Variants in PDZD2 observed in about 807,000 individuals in gnomAD.
The protein encoded by PDZD2 is PDZ domain containing 2.
Under a neutral mutation model 220.7 loss-of-function variants are expected in PDZD2, and 90 were observed. The ratio of observed to expected loss-of-function variants is 0.41; its 90% confidence interval spans 0.34 to 0.49. PDZD2 has a LOEUF of 0.49. Ranked by LOEUF, PDZD2 falls within the 20% of genes least tolerant of loss-of-function variation. The pLI is 0.28. For synonymous variants in PDZD2, 1,375 were observed against 1,450.5 expected, an observed-to-expected ratio of 0.95 and a Z score of 1.18; for missense variants, 3,174 against 3,608.5, an observed-to-expected ratio of 0.88 and a Z score of 3.08.
chr5:31,745,092 A>G (rs1459553949), intron 1 of PDZD2, among the ~76,000 whole-genome samples: 1 of 152,052 alleles, frequency 6.6e-6, no homozygotes, highest in Non-Finnish European at 1.5e-5. Flanking sequence ...AAATAAATAA[A>G]TAAATAAAAT....
chr5:31,926,044 G>C (rs1744724796), intron 2 of PDZD2, among the ~76,000 whole-genome samples: 1 of 151,950 alleles, frequency 6.6e-6, no homozygotes, highest in African/African-American at 2.4e-5. Context: ...CGCATAGCAA[G>C]ACCCTGTCTC....
intron 7 of PDZD2, 110 bp from the exon 8 acceptor site, chr5:32,048,429 T>C (rs1457460553): frequency 1.2e-6 from 1 of 857,534 alleles, no homozygotes; most frequent in Non-Finnish European, 1.9e-6. Context: ...GACGCTAGGC[T>C]TCTCAAAACC....
chr5:31,687,880 C>T (rs570533870), intron 1 of PDZD2, among the ~76,000 whole-genome samples: 4 of 152,148 alleles, frequency 2.6e-5, no homozygotes, highest in Non-Finnish European at 5.9e-5. Context: ...ACCTTAATCA[C>T]CTTCTTCTTG....
intron 2 of PDZD2, among the ~76,000 whole-genome samples, chr5:31,840,012 CCAGG>C (rs1290909062): frequency 6.6e-6 from 1 of 152,076 alleles, no homozygotes; most frequent in Non-Finnish European, 1.5e-5. Flanking sequence ...CTACCCAGTC[CCAGG>C]CAGTTCTTTA....
chr5:31,980,622 T>A (rs1439544900), intron 2 of PDZD2, among the ~76,000 whole-genome samples: 1 of 152,174 alleles, frequency 6.6e-6, no homozygotes. Context: ...TGAAAGAAAA[T>A]CTTACAACCT....
intron 7 of PDZD2, among the ~76,000 whole-genome samples, chr5:32,047,790 A>G (rs1415360101): frequency 2.6e-5 from 4 of 152,236 alleles, no homozygotes; most frequent in African/African-American, 7.2e-5. Context: ...TAGCCTACAG[A>G]ATGGGGATGA....
chr5:31,780,982 C>T (rs1363413903), intron 1 of PDZD2, among the ~76,000 whole-genome samples: 1 of 152,210 alleles, frequency 6.6e-6, no homozygotes, highest in Non-Finnish European at 1.5e-5. Context: ...TGTCTCATTT[C>T]CCAGTGTTGG....
At chr5:31,937,826 C>T (rs1745893077) in intron 2 of PDZD2, among the ~76,000 whole-genome samples, 1 of 152,214 alleles carries the variant, frequency 6.6e-6, no homozygotes, top group Non-Finnish European at 1.5e-5. Flanking sequence ...GTGCTATCTG[C>T]AGTGACTTAG....
intron 2 of PDZD2, among the ~76,000 whole-genome samples, chr5:31,860,131 C>T (rs888417246): frequency 6.6e-6 from 1 of 152,006 alleles, no homozygotes; most frequent in Admixed American, 6.5e-5. Flanking sequence ...GACTTGAAGT[C>T]TAACTATTTG....
chr5:31,779,212 C>A (rs931499843), intron 1 of PDZD2, among the ~76,000 whole-genome samples: 1 of 152,068 alleles, frequency 6.6e-6, no homozygotes, highest in Non-Finnish European at 1.5e-5. Flanking sequence ...CACACCAGCC[C>A]TCCTTGCCTG....
chr5:31,975,906 C>T lies in PDZD2; in HGVS notation c.477-7249C>T, dbSNP rs147244051. Among the ~76,000 whole-genome samples, 3 of 148,868 alleles carry T rather than the reference C, an allele frequency of 2.0e-5. No homozygotes were observed. In the East Asian group the frequency reaches 5.9e-4, roughly 29 times the overall value. On this transcript the variant is annotated intron_variant, in intron 2 of 24. Transcript: ENST00000438447. The stretch of plus-strand genomic sequence containing the variant: ...GCAGCCTCGACCTCCTAGGCTCAAG[C>T]GATCTTCCCGCCTCAGGCTCCCAAG...
intron 5 of PDZD2, among the ~76,000 whole-genome samples, chr5:32,003,396 A>C (rs1581253428): frequency 2.4e-5 from 2 of 83,482 alleles, no homozygotes; most frequent in Non-Finnish European, 4.6e-5. Flanking sequence ...CACACACACC[A>C]CACACACACT....
chr5:31,672,409 C>T (rs1746249854), intron 1 of PDZD2, among the ~76,000 whole-genome samples: 1 of 152,148 alleles, frequency 6.6e-6, no homozygotes, highest in African/African-American at 2.4e-5. Context: ...GTGTACCTGC[C>T]AGTGTGGGAT....
At chr5:31,992,391 G>C (rs924389596) in intron 3 of PDZD2, among the ~76,000 whole-genome samples, 5 of 152,098 alleles carry the variant, frequency 3.3e-5, no homozygotes, top group Non-Finnish European at 7.4e-5. Context: ...AAGTGGAGTG[G>C]AAATGTGGGT....
chr5:31,933,301 A>G (rs1444985411), intron 2 of PDZD2, among the ~76,000 whole-genome samples: 2 of 152,150 alleles, frequency 1.3e-5, no homozygotes, highest in African/African-American at 2.4e-5. Flanking sequence ...CATTGTACAT[A>G]TGTATCACAT....
At chr5:31,709,756 G>A (rs1315343667) in intron 1 of PDZD2, among the ~76,000 whole-genome samples, 1 of 152,192 alleles carries the variant, frequency 6.6e-6, no homozygotes, top group African/African-American at 2.4e-5. Flanking sequence ...AGGAGTTCAA[G>A]ACCAACCTGG....
At chr5:31,784,467 A>T (rs1446539726) in intron 1 of PDZD2, among the ~76,000 whole-genome samples, 1 of 152,216 alleles carries the variant, frequency 6.6e-6, no homozygotes, top group Admixed American at 6.5e-5. Flanking sequence ...CTTGTGGAGG[A>T]TGGACTGAAA....
intron 6 of PDZD2, among the ~76,000 whole-genome samples, chr5:32,030,159 T>C (rs973097407): frequency 5.9e-5 from 9 of 152,230 alleles, no homozygotes; most frequent in African/African-American, 2.2e-4. Context: ...AGCAGGAATG[T>C]TCAGTCAGTC....
intron 1 of PDZD2, among the ~76,000 whole-genome samples, chr5:31,644,886 C>T (rs1745077798): frequency 6.6e-6 from 1 of 152,186 alleles, no homozygotes; most frequent in African/African-American, 2.4e-5. Flanking sequence ...TACAGTGTTT[C>T]TGGGGCTCAT....
Sources: allele counts gnomAD v4.1 joint callset (sites outside exome capture counted in the v4.1 genomes callset), GRCh38; gene constraint gnomAD v4.1.1; transcripts MANE v1.5; gene names NCBI Gene and HGNC (gene_info 2026-07-23, HGNC 2026-07-21).